CLNK: variants seen among roughly 807,000 people sequenced by gnomAD.
The protein encoded by CLNK is cytokine-dependent hematopoietic cell linker.
A neutral mutation model predicts 68.6 loss-of-function variants in CLNK; 74 were observed. The observed-to-expected ratio is 1.08, with a 90% CI of 0.89 to 1.31. CLNK has a LOEUF of 1.31. CLNK is among the 50% of genes most tolerant of loss of function. The pLI is 0.00. For missense variants in CLNK, 553 were observed against 515.3 expected (o/e 1.07, Z -0.71); for synonymous variants, 198 against 172.2 (o/e 1.15, Z -1.17).
chr4:10,715,831 T>A, the CLNK span, among the ~76,000 whole-genome samples: 1 of 152,206 alleles, frequency 6.6e-6, no homozygotes, highest in South Asian at 2.1e-4. Flanking sequence ...CACTTCCAAT[T>A]CCCCAGAACA....
chr4:10,657,244 A>G (rs777843177), intron 2 of CLNK, among the ~76,000 whole-genome samples: 26 of 152,216 alleles, frequency 1.7e-4, no homozygotes, highest in Non-Finnish European at 3.4e-4. Flanking sequence ...AAACCAAAGT[A>G]TTTATAATGA....
chr4:10,517,427 T>C (rs1189285352), intron 15 of CLNK: 1 of 152,196 alleles, frequency 6.6e-6, no homozygotes, highest in African/African-American at 2.4e-5. Flanking sequence ...ATTTAAAAAT[T>C]CCAGTTATGT....
chr4:10,503,227 G>A (rs1279702966), intron 17 of CLNK, among the ~76,000 whole-genome samples: 4 of 152,098 alleles, frequency 2.6e-5, no homozygotes, highest in Non-Finnish European at 2.9e-5. Flanking sequence ...TTGGGAGGCC[G>A]ACGCGGGTGG....
At chr4:10,727,310 G>C in the CLNK span, among the ~76,000 whole-genome samples, 1 of 152,204 alleles carries the variant, frequency 6.6e-6, no homozygotes, top group African/African-American at 2.4e-5. Context: ...TCATACTGAA[G>C]GTCAGCTTGA....
At chr4:10,495,002 A>C (rs2109018842) in intron 18 of CLNK, among the ~76,000 whole-genome samples, 1 of 152,168 alleles carries the variant, frequency 6.6e-6, no homozygotes, top group Admixed American at 6.6e-5. Context: ...TTGGGTACAC[A>C]CATGAGAGTG....
the CLNK span, among the ~76,000 whole-genome samples, chr4:10,731,146 A>T: frequency 6.6e-6 from 1 of 152,250 alleles, no homozygotes; most frequent in African/African-American, 2.4e-5. Flanking sequence ...GTCATCACAC[A>T]GTGCTATCAA....
the CLNK span, among the ~76,000 whole-genome samples, chr4:10,703,729 T>C: frequency 3.9e-5 from 6 of 152,324 alleles, no homozygotes; most frequent in East Asian, 1.9e-4. Context: ...GTATAGCCTA[T>C]TGTTCCTAGG....
intron 4 of CLNK, among the ~76,000 whole-genome samples, chr4:10,577,119 G>A (rs61795107): frequency 0.22 from 33,873 of 152,068 alleles, 4,016 homozygotes; most frequent in African/African-American, 0.29. Context: ...GCCTGCAGAG[G>A]TTTAGCACTC....
At chr4:10,632,141 C>T (rs749262533) in intron 2 of CLNK, among the ~76,000 whole-genome samples, 6 of 152,370 alleles carry the variant, frequency 3.9e-5, no homozygotes, top group Admixed American at 1.3e-4. Flanking sequence ...TCTTCCCAGA[C>T]TTCCTTGGTT....
At chr4:10,597,206 G>C (rs971108662) in intron 3 of CLNK, among the ~76,000 whole-genome samples, 5 of 152,206 alleles carry the variant, frequency 3.3e-5, no homozygotes, top group African/African-American at 9.7e-5. Context: ...TTCGAGGATT[G>C]ATAGAACTTG....
At chr4:10,567,446 G>C (rs188879635) in intron 5 of CLNK, among the ~76,000 whole-genome samples, 1 of 152,258 alleles carries the variant, frequency 6.6e-6, no homozygotes, top group African/African-American at 2.4e-5. Context: ...GTGCAAATGG[G>C]CCTTGAATAT....
chr4:10,705,244 A>C, the CLNK span, among the ~76,000 whole-genome samples: 1 of 152,208 alleles, frequency 6.6e-6, no homozygotes, highest in African/African-American at 2.4e-5. Flanking sequence ...AAGAGGGAAC[A>C]AAATACACGT....
chr4:10,607,417 G>A (rs774938536), intron 2 of CLNK, among the ~76,000 whole-genome samples: 5 of 152,160 alleles, frequency 3.3e-5, no homozygotes, highest in Non-Finnish European at 5.9e-5. Flanking sequence ...TTCAATGAAC[G>A]CATGCCTTGC....
intron 7 of CLNK, among the ~76,000 whole-genome samples, chr4:10,559,173 C>T (rs574666428): frequency 1.1e-3 from 166 of 152,234 alleles, no homozygotes; most frequent in Non-Finnish European, 2.0e-3. Flanking sequence ...GGGGTCCCTA[C>T]GTCTTTGAAA....
chr4:10,554,657 T>C (rs2108816313), intron 8 of CLNK, among the ~76,000 whole-genome samples: 1 of 152,332 alleles, frequency 6.6e-6, no homozygotes, highest in Non-Finnish European at 1.5e-5. Flanking sequence ...AGCCATGGGT[T>C]GTGGCTGAAA....
At chr4:10,638,255 T>C (rs1311718307) in intron 2 of CLNK, among the ~76,000 whole-genome samples, 1 of 152,208 alleles carries the variant, frequency 6.6e-6, no homozygotes, top group Non-Finnish European at 1.5e-5. Context: ...TGGGAAAACT[T>C]TCACTATTAA....
intron 5 of CLNK, among the ~76,000 whole-genome samples, chr4:10,571,536 A>C (rs1454981787): frequency 2.0e-5 from 3 of 151,830 alleles, no homozygotes; most frequent in African/African-American, 7.3e-5. Flanking sequence ...GGGTTTCCTC[A>C]TGTTAGCCAG....
In CLNK at chr4:10,684,219, C is replaced by T. The variant is rs556037652; in HGVS notation, c.-43+449G>A. ...CTCTACACCAAAGCAGAAAGAAAAT[C>T]GTATTACTTTAGAAAATGTTAAAAA... is the stretch of plus-strand genomic sequence containing the variant. On this transcript the variant is annotated intron_variant, in intron 1 of 18. Transcript: ENST00000226951. 1.8e-4 allele frequency among the ~76,000 whole-genome samples: 28 copies of T among 152,242 alleles called. No homozygotes were observed. In the East Asian group the frequency reaches 2.1e-3, roughly 12 times the overall value.
At chr4:10,584,811 T>A (rs1205121611) in intron 4 of CLNK, 116 bp downstream of exon 4, 4 of 1,073,014 alleles carry the variant, frequency 3.7e-6, no homozygotes, top group Non-Finnish European at 4.2e-6. Context: ...CTAGCTAATG[T>A]CATTTCAAAT....
Sources: gnomAD v4.1 joint callset for allele counts (sites outside exome capture counted in the v4.1 genomes callset) on GRCh38, gnomAD v4.1.1 for gene constraint, MANE v1.5 for transcripts, NCBI Gene and HGNC (gene_info 2026-07-23, HGNC 2026-07-21) for gene names.